The following EPS15 variants were observed in gnomAD, a reference collection of about 807,000 sequenced individuals.
EPS15 encodes epidermal growth factor receptor pathway substrate 15.
A neutral mutation model predicts 113.8 loss-of-function variants in EPS15; 72 were observed. The ratio of observed to expected loss-of-function variants is 0.63; its 90% CI spans 0.52 to 0.77. EPS15 has a LOEUF of 0.77. Ranked by LOEUF, EPS15 falls within the 30% of genes least tolerant of loss-of-function variation. The pLI is 0.00. For missense variants in EPS15, 1,048 were observed against 1,045.8 expected (o/e 1.00, Z -0.03); for synonymous variants, 344 against 363.4 (o/e 0.95, Z 0.61).
At chr1:51,518,980 G>T (rs1371018403) in intron 1 of EPS15, among the ~76,000 whole-genome samples, 6 of 151,290 alleles carry the variant, frequency 4.0e-5, no homozygotes, top group Non-Finnish European at 8.9e-5. Flanking sequence ...GGAGGCGCCC[G>T]ACGACCCTGG....
intron 12 of EPS15, among the ~76,000 whole-genome samples, chr1:51,423,032 T>C (rs1378707967): frequency 6.6e-6 from 1 of 152,242 alleles, no homozygotes; most frequent in African/African-American, 2.4e-5. Context: ...GACAACTGCA[T>C]GCTTCATTTA....
In EPS15 at chr1:51,447,978, A is replaced by T. The variant is rs1653202020; in HGVS notation, c.651+68T>A. 4.4e-6 allele frequency: 7 copies of T among 1,580,242 alleles called. No homozygotes were observed. The East Asian group carries it at 1.6e-4, about 36-fold the overall frequency. ...GGTAGGTAAAATGCCTACAGATGGT[A>T]AGGAGTGGTAAGATTCCTTGGCTGA... On this transcript the variant is annotated intron_variant, in intron 9 of 24. Coordinates refer to ENST00000371733, the MANE Select transcript of EPS15 (RefSeq NM_001981.3).
intron 8 of EPS15, among the ~76,000 whole-genome samples, chr1:51,456,944 A>G (rs1654039713): frequency 6.6e-6 from 1 of 152,186 alleles, no homozygotes; most frequent in Non-Finnish European, 1.5e-5. Context: ...ACTGAGCAAA[A>G]TCTAGAATTT....
At chr1:51,464,373 G>A (rs1654696525) in intron 6 of EPS15, among the ~76,000 whole-genome samples, 2 of 151,650 alleles carry the variant, frequency 1.3e-5, no homozygotes, top group Admixed American at 1.3e-4. Context: ...CCGAGTAGCT[G>A]GGATTATAGG....
At chr1:51,454,604 G>A (rs781560899) in intron 8 of EPS15, among the ~76,000 whole-genome samples, 8 of 152,218 alleles carry the variant, frequency 5.3e-5, no homozygotes, top group Non-Finnish European at 1.2e-4. Context: ...GAGACATTCT[G>A]TGGGATATCT....
chr1:51,511,007 A>C (rs1296117271), intron 1 of EPS15, among the ~76,000 whole-genome samples: 1 of 151,906 alleles, frequency 6.6e-6, no homozygotes, highest in Non-Finnish European at 1.5e-5. Context: ...CTCTACTAAA[A>C]ACACAAAAAT....
At chr1:51,393,544 T>C (rs1033596923) in intron 21 of EPS15, among the ~76,000 whole-genome samples, 2 of 152,242 alleles carry the variant, frequency 1.3e-5, no homozygotes, top group African/African-American at 4.8e-5. Context: ...ATGTTCATAA[T>C]CCTTAATTAG....
rs146464167 is a variant in EPS15, at chr1:51,436,494, G to A, written c.1040+3853C>T. Among the ~76,000 whole-genome samples, 137 of 152,294 alleles carry A rather than the reference G, an allele frequency of 9.0e-4. 1 individual carries two copies. Among genetic ancestry groups the A allele is most frequent in the African/African-American group, 3.2e-3 (133 of 41,556 alleles). On this transcript the variant is annotated intron_variant, in intron 12 of 24. Coordinates refer to ENST00000371733, the MANE Select transcript of EPS15 (RefSeq NM_001981.3). The stretch of plus-strand genomic sequence containing the variant: ...AACACTAGGGATACAAGCAGCCCGT[G>A]TTTAAGAAGCACATAATCTAGTGGG...
intron 20 of EPS15, among the ~76,000 whole-genome samples, chr1:51,396,623 G>A (rs1156712291): frequency 6.6e-6 from 1 of 151,362 alleles, no homozygotes; most frequent in African/African-American, 2.4e-5. Flanking sequence ...ATAACCACAT[G>A]TGTGTCAGGT....
intron 21 of EPS15, among the ~76,000 whole-genome samples, chr1:51,377,770 A>T (rs777870995): frequency 6.6e-6 from 1 of 152,168 alleles, no homozygotes; most frequent in Non-Finnish European, 1.5e-5. Context: ...TATTTTAAGA[A>T]ATCGCCACAG....
chr1:51,514,967 G>C (rs1483039350), intron 1 of EPS15, among the ~76,000 whole-genome samples: 2 of 152,142 alleles, frequency 1.3e-5, no homozygotes, highest in African/African-American at 4.8e-5. Flanking sequence ...CTGAGAACAT[G>C]TTGTCATTTT....
chr1:51,480,720 C>G (rs1357944202), intron 2 of EPS15, among the ~76,000 whole-genome samples: 1 of 152,098 alleles, frequency 6.6e-6, no homozygotes, highest in East Asian at 1.9e-4. Flanking sequence ...CCATGTTGGC[C>G]AGCCTGGTCT....
intron 21 of EPS15, among the ~76,000 whole-genome samples, chr1:51,381,980 T>G (rs1243822457): frequency 6.6e-6 from 1 of 151,634 alleles, no homozygotes; most frequent in Non-Finnish European, 1.5e-5. Flanking sequence ...ACACAGAGAA[T>G]AGAAAAATAG....
rs1216985424 is a variant in EPS15, at chr1:51,468,509, T to C, written c.273A>G (p.Leu91=). 4.3e-6 allele frequency: 7 copies of C among 1,613,394 alleles called. No homozygotes were observed. The highest frequency in any genetic ancestry group is 5.9e-6 in the Non-Finnish European group (7 of 1,179,342). Residue 91 remains leucine, a synonymous_variant, in exon 5 of 25, where the codon CTA becomes CTG. Coordinates refer to ENST00000371733, the MANE Select transcript of EPS15 (RefSeq NM_001981.3). Reference sequence around the variant, plus strand: ...GAGGAACAGCCAGGTTCAAACTACTTAGTGAAACTTCCAATCCATTCTGGG... The same window carrying C: ...GAGGAACAGCCAGGTTCAAACTACTCAGTGAAACTTCCAATCCATTCTGGG... The part of the protein sequence containing the change: ...ACAQNGLEVS[L]SSLNLAVPPP...
chr1:51,485,041 T>C (rs1287278479), intron 1 of EPS15, among the ~76,000 whole-genome samples: 2 of 152,230 alleles, frequency 1.3e-5, no homozygotes, highest in Admixed American at 6.5e-5. Context: ...CATCACTGTA[T>C]CCAATAAAAA....
Position 51,395,440 on chromosome 1 carries a change from C to T in EPS15, c.2053-993G>A, listed in dbSNP as rs986886953. The stretch of plus-strand genomic sequence containing the variant: ...TAGTACTTAATATCATAAAATGTTA[C>T]ATTTCTATTTTCTAATTGTTATCTA... On this transcript the variant is annotated intron_variant, in intron 20 of 24. Transcript: ENST00000371733. Among the ~76,000 whole-genome samples, 9 of 152,202 alleles carry T rather than the reference C, an allele frequency of 5.9e-5. No individual in the cohort carries two copies. The East Asian group carries it at 1.7e-3, about 29-fold the overall frequency.
intron 12 of EPS15, among the ~76,000 whole-genome samples, chr1:51,435,071 A>G (rs957213791): frequency 1.3e-5 from 2 of 151,892 alleles, no homozygotes; most frequent in Non-Finnish European, 2.9e-5. Context: ...TAAACATGTG[A>G]AAAAAAAGAA....
chr1:51,489,576 G>T (rs1016955509), intron 1 of EPS15, among the ~76,000 whole-genome samples: 2 of 151,888 alleles, frequency 1.3e-5, no homozygotes, highest in Non-Finnish European at 2.9e-5. Flanking sequence ...GCATCTTAAG[G>T]TGTTTAGGTG....
At chr1:51,380,055 A>AG (rs768477521) in intron 21 of EPS15, among the ~76,000 whole-genome samples, 8 of 149,146 alleles carry the variant, frequency 5.4e-5, no homozygotes, top group African/African-American at 1.0e-4. Context: ...CTCTGCTTCC[A>AG]GGAAAAAAAA....
Sources: gnomAD v4.1 joint callset for allele counts (sites outside exome capture counted in the v4.1 genomes callset) on GRCh38, gnomAD v4.1.1 for gene constraint, MANE v1.5 for transcripts, NCBI Gene and HGNC (gene_info 2026-07-23, HGNC 2026-07-21) for gene names.